PPP4C: variants seen among roughly 807,000 people sequenced by gnomAD.
The protein encoded by PPP4C is protein phosphatase 4 catalytic subunit.
Under a neutral mutation model 40.5 loss-of-function variants are expected in PPP4C, and 10 were observed. That is an observed-to-expected ratio of 0.25 (90% CI 0.15 to 0.42). The LOEUF (loss-of-function observed/expected upper bound fraction) is 0.42, where lower values mean the gene tolerates loss of function less well. PPP4C is among the 10% of genes least tolerant of loss of function. PPP4C has a pLI of 1.00. For missense variants in PPP4C, 191 were observed against 416.4 expected (o/e 0.46, Z 4.71); for synonymous variants, 187 against 163.6 (o/e 1.14, Z -1.09).
At position 30,076,371 on chromosome 16, in the gene PPP4C, G is replaced by A. The variant is rs1257392931; in HGVS notation, c.-7G>A. ...GCCCCGACTCTGACCCGCGCCGGGGGTGGGCCATGGCGGAGATCAGCGACC... is the reference window on the plus strand; with the variant it reads ...GCCCCGACTCTGACCCGCGCCGGGGATGGGCCATGGCGGAGATCAGCGACC... On this transcript the variant is annotated 5_prime_UTR_variant, in exon 2 of 9. It adds an upstream start codon to the 5' untranslated region. Transcript: ENST00000279387. 6.2e-7 allele frequency: 1 copy of A among 1,612,466 alleles called. No homozygotes were observed. Among genetic ancestry groups the A allele is most frequent in the Non-Finnish European group, 8.5e-7 (1 of 1,179,518 alleles).
chr16:30,083,604 A>G lies in PPP4C; in HGVS notation c.477+37A>G. 2 of 1,613,710 alleles carry G rather than the reference A, an allele frequency of 1.2e-6. No homozygotes were observed. Among genetic ancestry groups the G allele is most frequent in the African/African-American group, 2.7e-5 (2 of 75,010 alleles). ...CAGGGCTCCATGGGACAGGGAGAGG[A>G]GGGGGGCTTCAGGCCTCAGCCCCGT... is the stretch of plus-strand genomic sequence containing the variant. On this transcript the variant is annotated intron_variant, in intron 6 of 8. Transcript: ENST00000279387. This position sits in a 1 kb window ranked among gnomAD's most constrained non-coding sequence, Gnocchi z 6.3.
chr16:30,081,134 T>A, intron 2 of PPP4C, 125 bp from the exon 3 acceptor site: 1 of 1,354,520 alleles, frequency 7.4e-7, no homozygotes, highest in East Asian at 2.3e-5. Flanking sequence ...GGGGAGACTG[T>A]ACGCTTCACT....
intron 1 of PPP4C, 58 bp from the exon 2 acceptor site, chr16:30,076,257 T>C: frequency 1.0e-6 from 1 of 1,001,484 alleles, no homozygotes; most frequent in East Asian, 2.7e-5. Context: ...AGAATCGAGT[T>C]GTCCGCTCCG....
rs1231598054 is a variant in PPP4C at position 30,079,356 on chromosome 16, A to AT, written c.99-1898dup. ...AGGCACGCGCCACCATGCCCAGCTA[A>AT]TTTTTGTATATTTACTAGAGACGGG... On this transcript the variant is annotated intron_variant, in intron 2 of 8. Coordinates refer to ENST00000279387, the MANE Select transcript of PPP4C (RefSeq NM_002720.3). 9.9e-5 allele frequency among the ~76,000 whole-genome samples: 15 copies of AT among 151,842 alleles called. No individual in the cohort carries two copies. In the Middle Eastern group the frequency reaches 0.01, roughly 103 times the overall value.
At position 30,085,080 on chromosome 16, in the gene PPP4C, C is replaced by T; in HGVS notation, c.*18C>T. 7 of 1,611,900 alleles carry T rather than the reference C, an allele frequency of 4.3e-6. No individual in the cohort carries two copies. The highest frequency in any genetic ancestry group is 5.1e-6 in the Non-Finnish European group (6 of 1,179,114). ...TCCTGTGACCCCGCCCGGCCCCTGC[C>T]CCCTCCAACCCTTCTGGCCCTCGCA... On this transcript the variant is annotated 3_prime_UTR_variant, in exon 9 of 9. Coordinates refer to ENST00000279387, the MANE Select transcript of PPP4C (RefSeq NM_002720.3).
In PPP4C at chr16:30,076,614, C is replaced by A; in HGVS notation, c.98+139C>A. Reference sequence around the variant, plus strand: ...AGGAGCAGGATGGAGCCGCTGCCCTCGAGGAAAAGCTAGCCTGCTCGGGGA... The same window carrying A: ...AGGAGCAGGATGGAGCCGCTGCCCTAGAGGAAAAGCTAGCCTGCTCGGGGA... On this transcript the variant is annotated intron_variant, in intron 2 of 8. Transcript: ENST00000279387. The A allele has an allele frequency of 3.8e-6, 3 of 793,446 alleles. No individual in the cohort carries two copies. In the South Asian group the frequency reaches 5.0e-5, roughly 13 times the overall value. The allele number at this position is 793,446 out of a possible 1,614,324, so 49.2% of individuals were successfully genotyped here.
intron 2 of PPP4C, among the ~76,000 whole-genome samples, chr16:30,078,968 G>A (rs989660583): frequency 2.2e-4 from 33 of 152,256 alleles, no homozygotes; most frequent in Admixed American, 1.3e-4. Flanking sequence ...ATCTGGGCCT[G>A]ATTCCCAGGC....
Position 30,083,859 on chromosome 16 carries a change from T to C in PPP4C, c.604+78T>C. On this transcript the variant is annotated intron_variant, in intron 7 of 8. Transcript: ENST00000279387. The surrounding 1 kb of genome is among the most constrained non-coding windows in gnomAD (Gnocchi z 6.3). ...GAGAGGGAGCAGGGCTGGTCTTCAC[T>C]GTCACTCGTCCTCCACCTGCCAAAT... The C allele has an allele frequency of 6.3e-7, 1 of 1,576,182 alleles. No homozygotes were observed. The highest frequency in any genetic ancestry group is 8.6e-7 in the Non-Finnish European group (1 of 1,158,654).
rs759879085 is a variant in PPP4C, at chr16:30,082,769, C to G, written c.225C>G (p.Thr75=). 6.2e-7 allele frequency: 1 copy of G among 1,614,040 alleles called. No individual in the cohort carries two copies. Among genetic ancestry groups the G allele is most frequent in the Admixed American group, 1.7e-5 (1 of 59,994 alleles). ...AGGTAGGTGGCGACGTCCCTGAGACCAACTACCTCTTCATGGGGGACTTTG... is the reference window on the plus strand; with the variant it reads ...AGGTAGGTGGCGACGTCCCTGAGACGAACTACCTCTTCATGGGGGACTTTG... ...LFRVGGDVPE[T]NYLFMGDFVD... Residue 75 remains threonine, a synonymous_variant, in exon 5 of 9, where the codon ACC becomes ACG. Transcript: ENST00000279387.
intron 2 of PPP4C, among the ~76,000 whole-genome samples, chr16:30,080,460 C>T (rs745462092): frequency 3.6e-4 from 54 of 151,184 alleles, no homozygotes; most frequent in Non-Finnish European, 7.2e-4. Context: ...ATATTTAAGT[C>T]CTCATAGTCA....
At chr16:30,077,044 C>T (rs909802797) in intron 2 of PPP4C, among the ~76,000 whole-genome samples, 4 of 152,058 alleles carry the variant, frequency 2.6e-5, no homozygotes, top group African/African-American at 9.7e-5. Context: ...GGATCATTCA[C>T]GTTCAGGGTG....
Position 30,083,646 on chromosome 16 carries a change from C to T in PPP4C, c.478-9C>T, listed in dbSNP as rs2072553618. 2 of 1,614,078 alleles carry T rather than the reference C, an allele frequency of 1.2e-6. No homozygotes were observed. The highest frequency in any genetic ancestry group is 3.3e-5 in the Admixed American group (2 of 60,012). On this transcript the variant is annotated splice_polypyrimidine_tract_variant and intron_variant, in intron 6 of 8. Coordinates refer to ENST00000279387, the MANE Select transcript of PPP4C (RefSeq NM_002720.3). The surrounding 1 kb of genome is among the most constrained non-coding windows in gnomAD (Gnocchi z 6.3). ...CAGCCCCGTCCTCTTTCCCTGCTCT[C>T]CCCTGTAGATCTTCTGCGTGCACGG...
At chr16:30,078,791 A>G (rs2072451107) in intron 2 of PPP4C, among the ~76,000 whole-genome samples, 1 of 152,236 alleles carries the variant, frequency 6.6e-6, no homozygotes, top group South Asian at 2.1e-4. Context: ...GTCACCTAGA[A>G]GCAATATGAC....
chr16:30,083,643 T>C lies in PPP4C; in HGVS notation c.478-12T>C, dbSNP rs1468171784. The stretch of plus-strand genomic sequence containing the variant: ...CCTCAGCCCCGTCCTCTTTCCCTGC[T>C]CTCCCCTGTAGATCTTCTGCGTGCA... On this transcript the variant is annotated splice_polypyrimidine_tract_variant and intron_variant, in intron 6 of 8. Transcript: ENST00000279387. The surrounding 1 kb of genome is among the most constrained non-coding windows in gnomAD (Gnocchi z 6.3). The C allele has an allele frequency of 1.9e-6, 3 of 1,614,104 alleles. No individual in the cohort carries two copies. The highest frequency in any genetic ancestry group is 1.3e-5 in the African/African-American group (1 of 75,014).
At chr16:30,081,166 G>C (rs761590090) in intron 2 of PPP4C, 93 bp from the exon 3 acceptor site, 5 of 1,579,100 alleles carry the variant, frequency 3.2e-6, no homozygotes, top group Non-Finnish European at 4.3e-6. Context: ...GAGCTTCCAG[G>C]ACTGCCTCAT....
chr16:30,078,859 G>A (rs2072452344), intron 2 of PPP4C, among the ~76,000 whole-genome samples: 1 of 152,214 alleles, frequency 6.6e-6, no homozygotes, highest in Admixed American at 6.5e-5. Context: ...TTGAGAGTCC[G>A]GGTATCCGGG....
Position 30,084,594 on chromosome 16 carries a change from C to T in PPP4C, c.605-72C>T, listed in dbSNP as rs901634641. The T allele has an allele frequency of 7.5e-6, 11 of 1,460,964 alleles. No homozygotes were observed. The African/African-American group carries it at 1.3e-4, about 17-fold the overall frequency. The allele number at this position is 1,460,964 out of a possible 1,614,324, so 90.5% of individuals were successfully genotyped here. On this transcript the variant is annotated intron_variant, in intron 7 of 8. Transcript: ENST00000279387. ...ACTTGGGGAGGGGCCAGGCTGCTCA[C>T]CCTCAAGGGGCAGCGCTGGCAGCCA... is the stretch of plus-strand genomic sequence containing the variant.
chr16:30,076,874 A>G (rs2072412345), intron 2 of PPP4C, among the ~76,000 whole-genome samples: 1 of 152,220 alleles, frequency 6.6e-6, no homozygotes. Context: ...GATTTATAAA[A>G]GTCTTCTAAT....
At chr16:30,077,564 C>T (rs1462259216) in intron 2 of PPP4C, among the ~76,000 whole-genome samples, 1 of 152,152 alleles carries the variant, frequency 6.6e-6, no homozygotes, top group Non-Finnish European at 1.5e-5. Context: ...GGTTTAATTA[C>T]CTGCCTCCTC....
Sources: gnomAD v4.1 joint callset for allele counts (sites outside exome capture counted in the v4.1 genomes callset) on GRCh38, gnomAD v4.1.1 for gene constraint, Gnocchi (gnomAD v3.1) non-coding constraint, MANE v1.5 for transcripts, NCBI Gene and HGNC (gene_info 2026-07-23, HGNC 2026-07-21) for gene names.